The following NKAIN2 variants were observed in gnomAD, a reference collection of about 807,000 sequenced individuals.
The protein encoded by NKAIN2 is sodium/potassium-transporting ATPase subunit beta-1-interacting protein 2.
Under a neutral mutation model 32.6 loss-of-function variants are expected in NKAIN2, and 14 were observed. The ratio of observed to expected loss-of-function variants is 0.43; its 90% CI spans 0.28 to 0.67. The LOEUF is 0.67. NKAIN2 is among the 30% of genes least tolerant of loss of function. NKAIN2 has a pLI of 0.17. For missense variants in NKAIN2, 198 were observed against 258.3 expected, an observed-to-expected ratio of 0.77 and a Z score of 1.60; for synonymous variants, 80 against 87.2, an observed-to-expected ratio of 0.92 and a Z score of 0.46.
intron 1 of NKAIN2, among the ~76,000 whole-genome samples, chr6:124,193,785 A>G (rs546472257): frequency 8.0e-4 from 122 of 152,140 alleles, no homozygotes; most frequent in African/African-American, 2.8e-3. Context: ...CACAGCGGGT[A>G]GCTTCTTTCT....
intron 4 of NKAIN2, among the ~76,000 whole-genome samples, chr6:124,738,718 G>A (rs1240870717): frequency 6.6e-6 from 1 of 151,730 alleles, no homozygotes; most frequent in Non-Finnish European, 1.5e-5. Flanking sequence ...AGAAGACCTT[G>A]GCTGGGTTCC....
intron 1 of NKAIN2, among the ~76,000 whole-genome samples, chr6:123,899,025 G>A (rs1175624096): frequency 1.3e-5 from 2 of 152,204 alleles, no homozygotes; most frequent in Non-Finnish European, 2.9e-5. Flanking sequence ...TGTGCACAGA[G>A]GTGGGTCAAA....
At chr6:124,511,430 G>A (rs1778708674) in intron 3 of NKAIN2, among the ~76,000 whole-genome samples, 1 of 152,050 alleles carries the variant, frequency 6.6e-6, no homozygotes, top group African/African-American at 2.4e-5. Flanking sequence ...CTTCTTCCAT[G>A]GACTGCCCAC....
At chr6:123,827,540 A>G (rs1193367724) in intron 1 of NKAIN2, among the ~76,000 whole-genome samples, 2 of 152,112 alleles carry the variant, frequency 1.3e-5, no homozygotes, top group Non-Finnish European at 2.9e-5. Context: ...AGTAATTTGG[A>G]TATATATGTA....
At chr6:124,154,871 T>A (rs891516539) in intron 1 of NKAIN2, among the ~76,000 whole-genome samples, 1 of 152,026 alleles carries the variant, frequency 6.6e-6, no homozygotes, top group Non-Finnish European at 1.5e-5. Flanking sequence ...ATATTCCAAA[T>A]GATTTATGAC....
rs753977593 is a variant in NKAIN2 at position 124,355,287 on chromosome 6, C to T, written c.213C>T (p.Leu71=). The T allele has an allele frequency of 1.2e-6, 2 of 1,608,674 alleles. No homozygotes were observed. The highest frequency in any genetic ancestry group is 1.1e-5 in the South Asian group (1 of 90,988). The part of the protein sequence containing the change: ...YITGYAVWLV[L]WVTWNVFVIC... ...TACAGTATGCTGTCTGGCTAGTCCT[C>T]TGGGTTACGTGGAATGTGTTTGTTA... The change falls in exon 3 of 7, where the codon CTC becomes CTT. Residue 71 remains leucine, a synonymous_variant. Coordinates refer to ENST00000368417, the MANE Select transcript of NKAIN2 (RefSeq NM_001040214.3).
chr6:123,929,512 A>G (rs774408976), intron 1 of NKAIN2, among the ~76,000 whole-genome samples: 3 of 152,268 alleles, frequency 2.0e-5, no homozygotes, highest in Non-Finnish European at 4.4e-5. Flanking sequence ...AAATTAAAAG[A>G]AAAGAAAATC....
chr6:124,289,075 C>G (rs1279515463), intron 2 of NKAIN2, among the ~76,000 whole-genome samples: 1 of 152,148 alleles, frequency 6.6e-6, no homozygotes, highest in East Asian at 1.9e-4. Context: ...ACACATGAAT[C>G]TTCATTTCTT....
Position 124,095,345 on chromosome 6 carries a change from C to T in NKAIN2, c.55-187660C>T, listed in dbSNP as rs567855442. ...AAGACCTACACAGGTTACAGTTGAC[C>T]CCAAGTCCTAAATAAAATCTTGTGA... is the stretch of plus-strand genomic sequence containing the variant. On this transcript the variant is annotated intron_variant, in intron 1 of 6. Transcript: ENST00000368417. 2.0e-5 allele frequency among the ~76,000 whole-genome samples: 3 copies of T among 152,128 alleles called. No homozygotes were observed. The East Asian group carries it at 5.8e-4, about 29-fold the overall frequency.
intron 5 of NKAIN2, among the ~76,000 whole-genome samples, chr6:124,806,313 G>A (rs1780558133): frequency 1.3e-5 from 2 of 152,204 alleles, no homozygotes; most frequent in Middle Eastern, 3.2e-3. Context: ...CTACAAGCCA[G>A]AAGAGAGTGA....
At chr6:124,607,488 T>C (rs1165335533) in intron 3 of NKAIN2, among the ~76,000 whole-genome samples, 1 of 152,160 alleles carries the variant, frequency 6.6e-6, no homozygotes, top group Non-Finnish European at 1.5e-5. Context: ...TGTTCACTCC[T>C]AAATTAGATT....
Position 123,839,587 on chromosome 6 carries a change from C to T in NKAIN2, c.54+35333C>T, listed in dbSNP as rs182040360. ...ATAGCCCAATCTTTTTCTAACTTTA[C>T]GAATTTCTTTTCACTTTGGCTGTTA... On this transcript the variant is annotated intron_variant, in intron 1 of 6. Transcript: ENST00000368417. Among the ~76,000 whole-genome samples the T allele has an allele frequency of 7.6e-4, 115 of 152,148 alleles. 1 individual carries two copies. The highest frequency in any genetic ancestry group is 2.6e-3 in the African/African-American group (108 of 41,526).
chr6:123,976,678 T>C lies in NKAIN2; in HGVS notation c.54+172424T>C, dbSNP rs556528331. 3.3e-5 allele frequency among the ~76,000 whole-genome samples: 5 copies of C among 151,994 alleles called. No homozygotes were observed. The South Asian group carries it at 1.0e-3, about 32-fold the overall frequency. ...ATCTCTTTCAAACACACCCTGCAAG[T>C]TAACATATAAAATTAACTATCATGC... On this transcript the variant is annotated intron_variant, in intron 1 of 6. Transcript: ENST00000368417.
At chr6:124,399,430 T>C (rs1773534750) in intron 3 of NKAIN2, among the ~76,000 whole-genome samples, 1 of 152,156 alleles carries the variant, frequency 6.6e-6, no homozygotes, top group African/African-American at 2.4e-5. Context: ...CCCCACAACA[T>C]CTACAGGCTA....
At chr6:124,807,741 A>C (rs1262327732) in intron 5 of NKAIN2, among the ~76,000 whole-genome samples, 1 of 151,918 alleles carries the variant, frequency 6.6e-6, no homozygotes, top group East Asian at 1.9e-4. Flanking sequence ...ATAGACCGCT[A>C]GCAATAAAGA....
intron 1 of NKAIN2, among the ~76,000 whole-genome samples, chr6:123,884,042 T>G (rs147909754): frequency 5.3e-5 from 8 of 152,150 alleles, no homozygotes; most frequent in African/African-American, 1.7e-4. Context: ...TTGTTGTACA[T>G]ATTATTTCAT....
At chr6:124,211,108 G>C (rs1168286247) in intron 1 of NKAIN2, among the ~76,000 whole-genome samples, 3 of 151,756 alleles carry the variant, frequency 2.0e-5, no homozygotes, top group Admixed American at 2.0e-4. Flanking sequence ...CTGGAACAAT[G>C]TATATATTGT....
intron 1 of NKAIN2, among the ~76,000 whole-genome samples, chr6:123,979,244 C>G (rs1278387684): frequency 6.6e-6 from 1 of 151,860 alleles, no homozygotes; most frequent in African/African-American, 2.4e-5. Flanking sequence ...AATTTAAAAC[C>G]TTGGAATTAG....
chr6:124,546,186 A>G (rs1780088431), intron 3 of NKAIN2, among the ~76,000 whole-genome samples: 1 of 152,184 alleles, frequency 6.6e-6, no homozygotes, highest in Admixed American at 6.5e-5. Flanking sequence ...AGAACTTAAT[A>G]GAAGCAATGT....
Sources: allele counts gnomAD v4.1 joint callset (sites outside exome capture counted in the v4.1 genomes callset), GRCh38; gene constraint gnomAD v4.1.1; transcripts MANE v1.5; gene names NCBI Gene and HGNC (gene_info 2026-07-23, HGNC 2026-07-21).